Variants in NUP62CL observed in about 807,000 individuals in gnomAD.
NUP62CL encodes nucleoporin 62 C-terminal like.
Under a neutral mutation model 15.3 loss-of-function variants are expected in NUP62CL, and 13 were observed. The observed-to-expected ratio is 0.85, with a 90% CI of 0.55 to 1.35. The LOEUF is 1.35. NUP62CL is among the 40% of genes most tolerant of loss of function. The pLI is 0.00. For synonymous variants in NUP62CL, 54 were observed against 49.2 expected (o/e 1.10, Z -0.41); for missense variants, 123 against 130.6 (o/e 0.94, Z 0.28).
At chrX:107,169,218 T>C (rs1279373675) in intron 3 of NUP62CL, among the ~76,000 whole-genome samples, 3 of 110,498 alleles carry the variant, frequency 2.7e-5, no homozygotes, top group Non-Finnish European at 5.7e-5. Context: ...AAGAAGGAGA[T>C]GAAGTAGAAG....
intron 4 of NUP62CL, among the ~76,000 whole-genome samples, chrX:107,160,488 C>T (rs1926334418): frequency 9.2e-6 from 1 of 108,435 alleles, no homozygotes; most frequent in Non-Finnish European, 1.9e-5. Flanking sequence ...ATACCTACAA[C>T]TACCTGATCT....
rs982535723 is a variant in NUP62CL, at chrX:107,148,919, CA to C, written c.531-1111del. Among the ~76,000 whole-genome samples the C allele has an allele frequency of 1.3e-4, 15 of 111,563 alleles. No homozygotes were observed. The Admixed American group carries it at 1.4e-3, about 11-fold the overall frequency. Reference sequence around the variant, plus strand: ...TAATCCGGTTAAAATAAATTATCTACAGGAATATTATTGTTCAGAAAATGTT... The same window carrying C: ...TAATCCGGTTAAAATAAATTATCTACGGAATATTATTGTTCAGAAAATGTT... On this transcript the variant is annotated intron_variant, in intron 7 of 8. Coordinates refer to ENST00000372466, the MANE Select transcript of NUP62CL (RefSeq NM_017681.3).
At chrX:107,184,715 A>G (rs1016066429) in intron 2 of NUP62CL, among the ~76,000 whole-genome samples, 2 of 111,767 alleles carry the variant, frequency 1.8e-5, no homozygotes, top group Non-Finnish European at 3.8e-5. Context: ...TATGCCAAAG[A>G]GGCATAAATG....
chrX:107,127,901 G>A (rs1252686692), intron 8 of NUP62CL, among the ~76,000 whole-genome samples: 2 of 111,784 alleles, frequency 1.8e-5, no homozygotes, highest in African/African-American at 3.3e-5. Context: ...CCAGAGGAAT[G>A]CAAATTAAAC....
Position 107,154,240 on chromosome X carries a change from T to C in NUP62CL, c.201A>G (p.Val67=). 1 of 1,190,229 alleles carries C rather than the reference T, an allele frequency of 8.4e-7. No homozygotes were observed. Among genetic ancestry groups the C allele is most frequent in the Middle Eastern group, 2.4e-4 (1 of 4,226 alleles). The change falls in exon 5 of 9, where the codon GTA becomes GTG. Residue 67 remains valine (V), a synonymous_variant. Transcript: ENST00000372466. ...LVPYTSTVSV[V]ATPVMTYGHL... The stretch of plus-strand genomic sequence containing the variant: ...GACCATATGTCATCACAGGAGTTGC[T>C]ACTACACTAAAACATAAAAAGATGC...
At position 107,165,304 on chromosome X, in the gene NUP62CL, CA is replaced by C. The variant is rs1391614666; in HGVS notation, c.194+2344del. ...TGGGCGTCACAGTGAGACTCTGTCT[CA>C]AAAAAAAAAATAATAATAATAAATT... On this transcript the variant is annotated intron_variant, in intron 4 of 8. Coordinates refer to ENST00000372466, the MANE Select transcript of NUP62CL (RefSeq NM_017681.3). 5.2e-3 allele frequency among the ~76,000 whole-genome samples: 486 copies of C among 93,236 alleles called. 1 individual carries two copies. The highest frequency in any genetic ancestry group is 0.017 in the African/African-American group (436 of 25,625). 81.0% of individuals were successfully genotyped at this position (93,236 alleles called of 115,157 possible).
chrX:107,154,071 T>C (rs373820430), intron 5 of NUP62CL, 25 bp downstream of exon 5: 19 of 1,160,942 alleles, frequency 1.6e-5, no homozygotes, highest in South Asian at 1.2e-4. Context: ...ACAATGTAGG[T>C]AGATTAATGA....
intron 1 of NUP62CL, among the ~76,000 whole-genome samples, chrX:107,193,603 G>C (rs1438496756): frequency 9.0e-6 from 1 of 111,257 alleles, no homozygotes; most frequent in African/African-American, 3.3e-5. Flanking sequence ...AAACTGGTTA[G>C]GAGTTGATAA....
At chrX:107,173,873 TG>T (rs2147808588) in intron 3 of NUP62CL, among the ~76,000 whole-genome samples, 1 of 110,487 alleles carries the variant, frequency 9.1e-6, no homozygotes, top group Admixed American at 9.6e-5. Context: ...GTCATAGAGC[TG>T]GGGAGGGGGG....
At chrX:107,204,421 C>T (rs1017700362) in intron 1 of NUP62CL, among the ~76,000 whole-genome samples, 1 of 111,172 alleles carries the variant, frequency 9.0e-6, no homozygotes, top group Non-Finnish European at 1.9e-5. Flanking sequence ...ACCCATCCCC[C>T]ACCCCGCTAC....
intron 1 of NUP62CL, among the ~76,000 whole-genome samples, chrX:107,193,378 T>A (rs940806233): frequency 3.6e-5 from 4 of 111,742 alleles, no homozygotes; most frequent in African/African-American, 1.3e-4. Flanking sequence ...AATACAATGC[T>A]GAATTTGGGG....
rs775394541 is a variant in NUP62CL at position 107,184,607 on chromosome X, G to A, written c.-48+8422C>T. Among the ~76,000 whole-genome samples the A allele has an allele frequency of 2.3e-3, 258 of 111,268 alleles. 1 individual carries two copies. The highest frequency in any genetic ancestry group is 7.9e-3 in the African/African-American group (241 of 30,659). On this transcript the variant is annotated intron_variant, in intron 2 of 8. Transcript: ENST00000372466. ...CAGGTCCTGTTGGACTATAACCAAG[G>A]ACTTAACTTTCGTGTCATCAGAGAC... is the stretch of plus-strand genomic sequence containing the variant.
At chrX:107,183,456 T>G (rs1331258585) in intron 2 of NUP62CL, among the ~76,000 whole-genome samples, 1 of 109,366 alleles carries the variant, frequency 9.1e-6, no homozygotes, top group African/African-American at 3.3e-5. Flanking sequence ...GAGAAAAAAG[T>G]AAAATAAGAT....
chrX:107,200,952 G>GA (rs774844523), intron 1 of NUP62CL, among the ~76,000 whole-genome samples: 7 of 111,134 alleles, frequency 6.3e-5, no homozygotes, highest in African/African-American at 2.3e-4. Context: ...GAATTCTGAA[G>GA]AATGATAATC....
At position 107,153,192 on chromosome X, in the gene NUP62CL, T is replaced by C; in HGVS notation, c.510A>G (p.Ala170=). 1 of 1,206,569 alleles carries C rather than the reference T, an allele frequency of 8.3e-7. No homozygotes were observed. Among genetic ancestry groups the C allele is most frequent in the Admixed American group, 2.2e-5 (1 of 45,006 alleles). The change falls in exon 7 of 9, where the codon GCA becomes GCG. Residue 170 remains alanine (A), a synonymous_variant. Coordinates refer to ENST00000372466, the MANE Select transcript of NUP62CL (RefSeq NM_017681.3). ...DQSGLHYLQD[A]DEEHVEISTR... is the part of the protein sequence containing the mutation. ...CTTACATCTCCACATGCTCCTCATCTGCATCCTGCAGATAATGAAGTCCAC... is the reference window on the plus strand; with the variant it reads ...CTTACATCTCCACATGCTCCTCATCCGCATCCTGCAGATAATGAAGTCCAC...
chrX:107,132,545 A>C (rs1353384094), intron 8 of NUP62CL, among the ~76,000 whole-genome samples: 1 of 111,348 alleles, frequency 9.0e-6, no homozygotes, highest in Non-Finnish European at 1.9e-5. Flanking sequence ...GATCACTTGG[A>C]CCTAGGAGTT....
At chrX:107,146,969 A>G (rs1285588) in intron 8 of NUP62CL, among the ~76,000 whole-genome samples, 40,529 of 110,248 alleles carry the variant, frequency 0.37, 8,132 homozygotes, top group African/African-American at 0.77. Flanking sequence ...TGCCACTGGG[A>G]TATGTCTGTC....
At chrX:107,125,223 TAAC>T (rs1350988851) in intron 8 of NUP62CL, among the ~76,000 whole-genome samples, 1 of 111,914 alleles carries the variant, frequency 8.9e-6, no homozygotes, top group East Asian at 2.8e-4. Flanking sequence ...ATGATTTTCT[TAAC>T]AACATTTTCT....
chrX:107,179,939 T>C (rs1002885198), intron 2 of NUP62CL, among the ~76,000 whole-genome samples: 5 of 104,121 alleles, frequency 4.8e-5, no homozygotes, highest in Admixed American at 4.1e-4. Context: ...GTTTTTATTT[T>C]ATTTTTATGT....
Sources: gnomAD v4.1 joint callset for allele counts (sites outside exome capture counted in the v4.1 genomes callset) on GRCh38, gnomAD v4.1.1 for gene constraint, MANE v1.5 for transcripts, NCBI Gene and HGNC (gene_info 2026-07-23, HGNC 2026-07-21) for gene names.